CYFIP1: variants seen among roughly 807,000 people sequenced by gnomAD.
CYFIP1 encodes cytoplasmic FMR1-interacting protein 1.
Under a neutral mutation model 163.5 loss-of-function variants are expected in CYFIP1, and 58 were observed. The observed-to-expected ratio is 0.35, with a 90% CI of 0.29 to 0.44. CYFIP1 has a LOEUF of 0.44. Among genes scored for constraint, CYFIP1 ranks in the 20% least tolerant of loss-of-function variants. CYFIP1 has a pLI of 1.00. For missense variants in CYFIP1, 1,338 were observed against 1,653.8 expected, an observed-to-expected ratio of 0.81 and a Z score of 3.31; for synonymous variants, 663 against 660.7, an observed-to-expected ratio of 1.00 and a Z score of -0.05.
At chr15:22,964,314 A>ACACACACACACACACACAC (rs2062814615) in intron 1 of CYFIP1, among the ~76,000 whole-genome samples, 1 of 77,134 alleles carries the variant, frequency 1.3e-5, no homozygotes, top group African/African-American at 6.2e-5. Context: ...ACACACACAC[A>ACACACACACACACACACAC]ACTGGCGGCC....
intron 1 of CYFIP1, among the ~76,000 whole-genome samples, chr15:22,971,185 C>T (rs374666915): frequency 2.4e-4 from 37 of 152,320 alleles, no homozygotes; most frequent in East Asian, 1.3e-3. Flanking sequence ...AGGAGAAATG[C>T]TTCATGACAT....
chr15:22,920,504 C>T (rs1378690360), intron 13 of CYFIP1, among the ~76,000 whole-genome samples: 10 of 151,810 alleles, frequency 6.6e-5, no homozygotes, highest in Admixed American at 3.3e-4. Context: ...TAAATGAAGA[C>T]GTGTCTGACA....
At chr15:22,959,150 T>C (rs1439794786) in intron 1 of CYFIP1, among the ~76,000 whole-genome samples, 3 of 152,050 alleles carry the variant, frequency 2.0e-5, no homozygotes. Flanking sequence ...CTGGGTTGGG[T>C]AGGGATCAGG....
intron 1 of CYFIP1, among the ~76,000 whole-genome samples, chr15:22,972,414 G>A (rs949114434): frequency 4.6e-5 from 7 of 152,306 alleles, no homozygotes; most frequent in Middle Eastern, 3.4e-3. Context: ...TCCAGCCTGG[G>A]TGACAGAGTG....
At chr15:22,880,171 A>G (rs2141871166) in intron 25 of CYFIP1, 128 bp from the exon 26 acceptor site, 2 of 1,261,428 alleles carry the variant, frequency 1.6e-6, no homozygotes, top group Non-Finnish European at 2.3e-6. Flanking sequence ...GACAGCCACA[A>G]CGTCCCATCC....
intron 13 of CYFIP1, among the ~76,000 whole-genome samples, chr15:22,921,939 A>G (rs2061196723): frequency 6.6e-6 from 1 of 152,176 alleles, no homozygotes; most frequent in Non-Finnish European, 1.5e-5. Flanking sequence ...GATTTTCAAC[A>G]GGGTACCAAA....
intron 13 of CYFIP1, among the ~76,000 whole-genome samples, chr15:22,924,853 C>T (rs1195230567): frequency 6.6e-6 from 1 of 152,056 alleles, no homozygotes; most frequent in East Asian, 1.9e-4. Context: ...GGGTGGATTG[C>T]TTGAGCTCAG....
intron 21 of CYFIP1, among the ~76,000 whole-genome samples, chr15:22,906,917 G>C (rs2060606071): frequency 6.6e-6 from 1 of 152,142 alleles, no homozygotes; most frequent in South Asian, 2.1e-4. Context: ...TACGTCTAAA[G>C]GGGATTGGAC....
intron 26 of CYFIP1, among the ~76,000 whole-genome samples, chr15:22,879,658 A>G (rs2059692384): frequency 6.6e-6 from 1 of 152,198 alleles, no homozygotes; most frequent in Non-Finnish European, 1.5e-5. Context: ...TGTTGAAAAC[A>G]TCACATAATA....
chr15:22,953,826 C>T lies in CYFIP1; in HGVS notation c.-6-6535G>A, dbSNP rs568096337. ...ATCCCAGCACTTTGGGAGGCCGAGGCGGGTGGATCACGAAGTCAGGAGATC... is the reference window on the plus strand; with the variant it reads ...ATCCCAGCACTTTGGGAGGCCGAGGTGGGTGGATCACGAAGTCAGGAGATC... On this transcript the variant is annotated intron_variant, in intron 1 of 30. Coordinates refer to ENST00000617928, the MANE Select transcript of CYFIP1 (RefSeq NM_014608.6). 9.9e-5 allele frequency among the ~76,000 whole-genome samples: 15 copies of T among 152,272 alleles called. No homozygotes were observed. The South Asian group carries it at 2.5e-3, about 25-fold the overall frequency.
chr15:22,869,981 G>A lies in CYFIP1; in HGVS notation c.*47C>T, dbSNP rs766583937. The A allele has an allele frequency of 6.0e-5, 91 of 1,505,684 alleles. No homozygotes were observed. Among genetic ancestry groups the A allele is most frequent in the Non-Finnish European group, 7.6e-5 (86 of 1,128,854 alleles). 93.3% of individuals were successfully genotyped at this position (1,505,684 alleles called of 1,614,324 possible). A position where few individuals can be genotyped will look rare whatever the true frequency, so the allele number is the denominator to read the frequency against. ...CTAAAAATCTCACTAAATAGTTTAC[G>A]GAGAGAAAGGCATGCCATGTTGAGT... On this transcript the variant is annotated 3_prime_UTR_variant, in exon 31 of 31. Coordinates refer to ENST00000617928, the MANE Select transcript of CYFIP1 (RefSeq NM_014608.6).
intron 1 of CYFIP1, among the ~76,000 whole-genome samples, chr15:22,967,922 G>A (rs1341924791): frequency 6.6e-6 from 1 of 152,008 alleles, no homozygotes; most frequent in Non-Finnish European, 1.5e-5. Flanking sequence ...GATCACTTGA[G>A]GTCAGGAGTT....
At chr15:22,945,618 G>C (rs921416469) in intron 3 of CYFIP1, among the ~76,000 whole-genome samples, 6 of 150,996 alleles carry the variant, frequency 4.0e-5, no homozygotes, top group Non-Finnish European at 8.8e-5. Flanking sequence ...CTGTCCCCCA[G>C]GCTGGAGTGC....
At chr15:22,874,809 C>G (rs889587617) in intron 27 of CYFIP1, among the ~76,000 whole-genome samples, 165 bp from the exon 28 acceptor site, 4 of 152,122 alleles carry the variant, frequency 2.6e-5, no homozygotes, top group Non-Finnish European at 5.9e-5. Flanking sequence ...TATTTTAATT[C>G]AAACCGGCAG....
intron 1 of CYFIP1, among the ~76,000 whole-genome samples, chr15:22,949,223 C>T (rs1050941566): frequency 6.6e-6 from 1 of 152,106 alleles, no homozygotes; most frequent in Non-Finnish European, 1.5e-5. Flanking sequence ...GCCGCGGATT[C>T]CCCCCGGGGA....
chr15:22,957,259 C>G (rs974164818), intron 1 of CYFIP1, among the ~76,000 whole-genome samples: 1 of 151,932 alleles, frequency 6.6e-6, no homozygotes, highest in African/African-American at 2.4e-5. Flanking sequence ...TCCCAGCACT[C>G]TGGGAGGCCG....
rs1223824860 is a variant in CYFIP1 at position 22,980,354 on chromosome 15, G to C, written c.-74C>G. 6.6e-6 allele frequency: 1 copy of C among 151,672 alleles called. No individual in the cohort carries two copies. The highest frequency in any genetic ancestry group is 1.5e-5 in the Non-Finnish European group (1 of 67,820). 9.4% of individuals were successfully genotyped at this position (151,672 alleles called of 1,614,324 possible). ...GTTTCCTTGGCCGAGTGAGTCACTCGGGCTGGCCGGGAATGCGCCAGGAAA... is the reference window on the plus strand; with the variant it reads ...GTTTCCTTGGCCGAGTGAGTCACTCCGGCTGGCCGGGAATGCGCCAGGAAA... On this transcript the variant is annotated 5_prime_UTR_variant, in exon 1 of 31. Coordinates refer to ENST00000617928, the MANE Select transcript of CYFIP1 (RefSeq NM_014608.6).
At chr15:22,873,804 T>A in intron 28 of CYFIP1, 75 bp from the exon 29 acceptor site, 1 of 1,290,642 alleles carries the variant, frequency 7.7e-7, no homozygotes, top group Non-Finnish European at 1.1e-6. Flanking sequence ...ATGTCTCTTT[T>A]CTCTTGAGAC....
intron 30 of CYFIP1, among the ~76,000 whole-genome samples, chr15:22,872,472 T>C (rs1464280089): frequency 6.6e-6 from 1 of 152,064 alleles, no homozygotes; most frequent in East Asian, 1.9e-4. Context: ...AATTCAACTA[T>C]GAGGGATCCA....
Sources: gnomAD v4.1 joint callset for allele counts (sites outside exome capture counted in the v4.1 genomes callset) on GRCh38, gnomAD v4.1.1 for gene constraint, MANE v1.5 for transcripts, NCBI Gene and HGNC (gene_info 2026-07-23, HGNC 2026-07-21) for gene names.